DLGAP2: variants seen among roughly 807,000 people sequenced by gnomAD.
The protein encoded by DLGAP2 is DLG associated protein 2.
Under a neutral mutation model 100.3 loss-of-function variants are expected in DLGAP2, and 26 were observed. The observed-to-expected ratio is 0.26, with a 90% CI of 0.19 to 0.36. The LOEUF (loss-of-function observed/expected upper bound fraction) is 0.36. Ranked by LOEUF, DLGAP2 falls within the 10% of genes least tolerant of loss-of-function variation. The pLI is 1.00. For synonymous variants in DLGAP2, 886 were observed against 630.1 expected (o/e 1.41, Z -6.08); for missense variants, 1,858 against 1,453.2 (o/e 1.28, Z -4.53).
rs1304631616 is a variant in DLGAP2, at chr8:1,591,828, T to A, written c.1442+25934T>A. ...CCCTGCTGCCCTTCACGTTTGTGGA[T>A]TCTGAAGCCCTCGCTTGGCCTCTGC... On this transcript the variant is annotated intron_variant, in intron 6 of 14. Coordinates refer to ENST00000637795, the MANE Select transcript of DLGAP2 (RefSeq NM_001346810.2). Among the ~76,000 whole-genome samples the A allele has an allele frequency of 2.6e-5, 4 of 152,174 alleles. No homozygotes were observed. The East Asian group carries it at 7.7e-4, about 29-fold the overall frequency.
At chr8:849,123 T>C (rs2055514) in intron 1 of DLGAP2, among the ~76,000 whole-genome samples, 45,971 of 150,450 alleles carry the variant, frequency 0.31, 7,333 homozygotes, top group East Asian at 0.45. Context: ...GTGTCTGTTC[T>C]GGTATAGGAT....
intron 3 of DLGAP2, among the ~76,000 whole-genome samples, chr8:1,444,579 T>C (rs1797929237): frequency 6.6e-6 from 1 of 151,988 alleles, no homozygotes; most frequent in Non-Finnish European, 1.5e-5. Context: ...TTGACAATGC[T>C]CCGTGATTCC....
At chr8:1,232,288 G>A (rs568880048) in intron 2 of DLGAP2, among the ~76,000 whole-genome samples, 7 of 152,346 alleles carry the variant, frequency 4.6e-5, no homozygotes, top group African/African-American at 1.7e-4. Flanking sequence ...TCCCGGCTTG[G>A]CTTTGCTGTT....
At chr8:1,457,974 T>C (rs1363721784) in intron 3 of DLGAP2, among the ~76,000 whole-genome samples, 2 of 46,466 alleles carry the variant, frequency 4.3e-5, no homozygotes, top group Admixed American at 2.9e-4. Context: ...TGTTCTCTGA[T>C]CATATATATA....
intron 3 of DLGAP2, among the ~76,000 whole-genome samples, chr8:1,430,649 A>T (rs1350328839): frequency 1.3e-5 from 2 of 152,224 alleles, no homozygotes; most frequent in Non-Finnish European, 2.9e-5. Flanking sequence ...TGAGATTGAG[A>T]GGAGTTTGTG....
chr8:741,396 T>C (rs887708180), intron 1 of DLGAP2, among the ~76,000 whole-genome samples: 15 of 152,246 alleles, frequency 9.9e-5, no homozygotes, highest in Non-Finnish European at 1.9e-4. Flanking sequence ...GTCATTCTTC[T>C]GTGCACTGAC....
intron 3 of DLGAP2, among the ~76,000 whole-genome samples, chr8:1,431,395 A>AC (rs1273615947): frequency 6.6e-6 from 1 of 152,230 alleles, no homozygotes; most frequent in Non-Finnish European, 1.5e-5. Context: ...CATGCTGACA[A>AC]CCTACTGGGC....
intron 3 of DLGAP2, among the ~76,000 whole-genome samples, chr8:1,429,513 G>A (rs1056402605): frequency 6.6e-6 from 1 of 152,150 alleles, no homozygotes. Context: ...TGCTGATGGT[G>A]TGTAAGCTGA....
At chr8:1,261,104 G>C (rs114313893) in intron 3 of DLGAP2, among the ~76,000 whole-genome samples, 194 of 151,280 alleles carry the variant, frequency 1.3e-3, no homozygotes, top group African/African-American at 4.5e-3. Context: ...GGGAGGGCTG[G>C]TCAACTTCCA....
intron 2 of DLGAP2, among the ~76,000 whole-genome samples, chr8:1,198,913 C>T (rs1045855755): frequency 2.6e-5 from 4 of 152,216 alleles, no homozygotes; most frequent in Admixed American, 6.5e-5. Context: ...TGGCAGCGGG[C>T]GTGTGTGCCC....
At chr8:1,028,998 T>G (rs4735836) in intron 2 of DLGAP2, among the ~76,000 whole-genome samples, 10,146 of 152,032 alleles carry the variant, frequency 0.067, 716 homozygotes, top group African/African-American at 0.16. Flanking sequence ...GGACATGGCT[T>G]GTGAGGGCGA....
At chr8:841,144 A>G (rs936765853) in intron 1 of DLGAP2, among the ~76,000 whole-genome samples, 3 of 152,252 alleles carry the variant, frequency 2.0e-5, no homozygotes, top group Admixed American at 6.5e-5. Flanking sequence ...GGAGCAGTTC[A>G]TATGGAAAAG....
intron 4 of DLGAP2, among the ~76,000 whole-genome samples, chr8:1,506,994 T>G (rs1330766007): frequency 2.0e-5 from 3 of 152,216 alleles, no homozygotes; most frequent in Non-Finnish European, 4.4e-5. Flanking sequence ...GATTGGTGCA[T>G]CTACAAACCT....
intron 2 of DLGAP2, among the ~76,000 whole-genome samples, chr8:1,098,685 G>A (rs1227248969): frequency 1.6e-5 from 2 of 121,878 alleles, no homozygotes; most frequent in Non-Finnish European, 3.5e-5. Flanking sequence ...GGCCGCCCAC[G>A]GGCGCCGCCA....
At chr8:1,634,547 C>T (rs1422047888) in intron 8 of DLGAP2, among the ~76,000 whole-genome samples, 1 of 152,220 alleles carries the variant, frequency 6.6e-6, no homozygotes, top group Non-Finnish European at 1.5e-5. Context: ...GGCCAGTTCT[C>T]ATGCTCTGTC....
intron 6 of DLGAP2, among the ~76,000 whole-genome samples, chr8:1,620,858 A>G (rs1479428812): frequency 6.6e-6 from 1 of 152,212 alleles, no homozygotes; most frequent in Non-Finnish European, 1.5e-5. Flanking sequence ...TGCCTGTGGC[A>G]TAAACATCAA....
chr8:1,620,946 C>T (rs1353009249), intron 6 of DLGAP2, among the ~76,000 whole-genome samples: 1 of 152,240 alleles, frequency 6.6e-6, no homozygotes, highest in Non-Finnish European at 1.5e-5. Context: ...CCCCTTTACC[C>T]TCTGCTCTCC....
chr8:1,248,303 G>T (rs750629421), intron 2 of DLGAP2, among the ~76,000 whole-genome samples: 8 of 42,094 alleles, frequency 1.9e-4, no homozygotes, highest in Admixed American at 2.6e-4. Context: ...GATCAGTGTG[G>T]GAGTAATGGC....
chr8:1,630,704 A>G (rs895898822), intron 7 of DLGAP2, among the ~76,000 whole-genome samples: 2 of 149,058 alleles, frequency 1.3e-5, no homozygotes, highest in African/African-American at 4.9e-5. Flanking sequence ...TCCATCTCGA[A>G]AAAAAAAAAA....
Sources: gnomAD v4.1 joint callset for allele counts (sites outside exome capture counted in the v4.1 genomes callset) on GRCh38, gnomAD v4.1.1 for gene constraint, MANE v1.5 for transcripts, NCBI Gene and HGNC (gene_info 2026-07-23, HGNC 2026-07-21) for gene names.